TAFA1: variants seen among roughly 807,000 people sequenced by gnomAD.
TAFA1 encodes TAFA chemokine like family member 1, also known as chemokine-like protein TAFA-1.
In TAFA1, 4 loss-of-function variants were observed where a neutral mutation model predicts 18.5. The ratio of observed to expected loss-of-function variants is 0.22; its 90% CI spans 0.11 to 0.49. TAFA1 has a LOEUF of 0.49. Among genes scored for constraint, TAFA1 ranks in the 20% least tolerant of loss-of-function variants. The pLI is 0.98. For synonymous variants in TAFA1, 56 were observed against 55.2 expected, an observed-to-expected ratio of 1.01 and a Z score of -0.06; for missense variants, 147 against 169.0, an observed-to-expected ratio of 0.87 and a Z score of 0.72.
At chr3:68,102,203 T>A (rs2106819486) in intron 2 of TAFA1, among the ~76,000 whole-genome samples, 1 of 152,276 alleles carries the variant, frequency 6.6e-6, no homozygotes, top group South Asian at 2.1e-4. Flanking sequence ...GAAACGTCAA[T>A]GTTGGCCTAA....
intron 2 of TAFA1, among the ~76,000 whole-genome samples, chr3:68,263,446 T>TACACACACACACACACACAC (rs3033685): frequency 3.0e-4 from 42 of 137,796 alleles, no homozygotes; most frequent in East Asian, 4.7e-4. Context: ...CACACACACA[T>TACACACACACACACACACAC]ACACACACAC....
At chr3:68,493,045 T>A (rs1459997396) in intron 3 of TAFA1, among the ~76,000 whole-genome samples, 1 of 152,168 alleles carries the variant, frequency 6.6e-6, no homozygotes, top group Non-Finnish European at 1.5e-5. Flanking sequence ...AGTGTACAGT[T>A]TAGTAGCATT....
At chr3:68,297,459 C>G (rs533906180) in intron 2 of TAFA1, among the ~76,000 whole-genome samples, 1 of 152,142 alleles carries the variant, frequency 6.6e-6, no homozygotes, top group Non-Finnish European at 1.5e-5. Flanking sequence ...ACAGCTACCC[C>G]CAACCCCAAT....
intron 2 of TAFA1, among the ~76,000 whole-genome samples, chr3:68,340,085 C>A (rs926054580): frequency 6.6e-6 from 1 of 152,104 alleles, no homozygotes; most frequent in African/African-American, 2.4e-5. Flanking sequence ...TTAAGTGATT[C>A]TCAAAAACTA....
chr3:68,239,974 T>C (rs2066976002), intron 2 of TAFA1, among the ~76,000 whole-genome samples: 1 of 152,210 alleles, frequency 6.6e-6, no homozygotes, highest in African/African-American at 2.4e-5. Context: ...TGAAATCTGA[T>C]GTTCACAGGA....
intron 2 of TAFA1, among the ~76,000 whole-genome samples, chr3:68,334,441 A>G (rs2068936427): frequency 6.6e-6 from 1 of 152,180 alleles, no homozygotes; most frequent in African/African-American, 2.4e-5. Context: ...TATGAACAGT[A>G]GGGAAAGCTA....
intron 2 of TAFA1, among the ~76,000 whole-genome samples, chr3:68,144,351 G>A (rs2106908210): frequency 6.6e-6 from 1 of 152,270 alleles, no homozygotes; most frequent in Non-Finnish European, 1.5e-5. Flanking sequence ...CCGTACTGAA[G>A]TATAAGGAGC....
At chr3:68,336,770 C>T (rs778703380) in intron 2 of TAFA1, among the ~76,000 whole-genome samples, 5 of 152,232 alleles carry the variant, frequency 3.3e-5, no homozygotes, top group Non-Finnish European at 7.3e-5. Flanking sequence ...TGTCACCAGG[C>T]TGGAGTGCTG....
At chr3:68,356,374 C>G (rs1444547696) in intron 2 of TAFA1, among the ~76,000 whole-genome samples, 1 of 151,788 alleles carries the variant, frequency 6.6e-6, no homozygotes, top group Admixed American at 6.6e-5. Flanking sequence ...TCAAGCTCAG[C>G]AGGTAGCACA....
At chr3:68,102,746 C>G (rs2065162625) in intron 2 of TAFA1, among the ~76,000 whole-genome samples, 1 of 152,166 alleles carries the variant, frequency 6.6e-6, no homozygotes, top group Non-Finnish European at 1.5e-5. Flanking sequence ...CTCTTGGATT[C>G]TTAGATTTCT....
At chr3:68,321,756 G>A (rs1290509214) in intron 2 of TAFA1, among the ~76,000 whole-genome samples, 1 of 151,952 alleles carries the variant, frequency 6.6e-6, no homozygotes, top group African/African-American at 2.4e-5. Flanking sequence ...TATTAGCTCT[G>A]TCAGCCCACT....
intron 2 of TAFA1, among the ~76,000 whole-genome samples, chr3:68,118,357 G>A (rs1031098068): frequency 1.3e-5 from 2 of 152,140 alleles, no homozygotes; most frequent in East Asian, 3.9e-4. Context: ...GTGGAGCTCA[G>A]GCTGTAATGC....
chr3:68,047,569 G>A (rs753278899), intron 2 of TAFA1, among the ~76,000 whole-genome samples: 89 of 152,202 alleles, frequency 5.8e-4, no homozygotes, highest in Non-Finnish European at 9.0e-4. Context: ...CAGCTGTCAA[G>A]GAGAAACACC....
chr3:68,443,687 C>T (rs777549501), intron 3 of TAFA1, among the ~76,000 whole-genome samples: 4 of 151,926 alleles, frequency 2.6e-5, no homozygotes, highest in East Asian at 1.9e-4. Context: ...AGGAAAGACC[C>T]GACCCCATAA....
chr3:68,305,109 T>TC (rs1165033896), intron 2 of TAFA1, among the ~76,000 whole-genome samples: 5 of 151,988 alleles, frequency 3.3e-5, no homozygotes, highest in Non-Finnish European at 7.4e-5. Context: ...GTCTGCAGTG[T>TC]CTCTGGGTAG....
chr3:68,403,659 G>T (rs1216325782), intron 2 of TAFA1, among the ~76,000 whole-genome samples: 1 of 152,184 alleles, frequency 6.6e-6, no homozygotes, highest in African/African-American at 2.4e-5. Context: ...ATTTGAGGTT[G>T]CATTTGTGAT....
At chr3:68,271,276 C>T (rs1479704835) in intron 2 of TAFA1, among the ~76,000 whole-genome samples, 2 of 152,030 alleles carry the variant, frequency 1.3e-5, no homozygotes, top group Non-Finnish European at 2.9e-5. Context: ...AACAAAACAC[C>T]CAACTCCTGC....
chr3:68,065,465 C>A (rs2064661397), intron 2 of TAFA1, among the ~76,000 whole-genome samples: 1 of 151,982 alleles, frequency 6.6e-6, no homozygotes, highest in South Asian at 2.1e-4. Context: ...TGATAGGGTC[C>A]CAGTGTCTTC....
chr3:68,379,275 T>C (rs945088461), intron 2 of TAFA1, among the ~76,000 whole-genome samples: 2 of 152,250 alleles, frequency 1.3e-5, no homozygotes, highest in Non-Finnish European at 2.9e-5. Context: ...TGAGCTTCTT[T>C]TCATATGATT....
Sources: allele counts gnomAD v4.1 joint callset (sites outside exome capture counted in the v4.1 genomes callset), GRCh38; gene constraint gnomAD v4.1.1; transcripts MANE v1.5; gene names NCBI Gene and HGNC (gene_info 2026-07-23, HGNC 2026-07-21).